The following TLE1 variants were observed in gnomAD, a reference collection of about 807,000 sequenced individuals.
TLE1 encodes transducin-like enhancer protein 1.
TLE1 carries 21 observed loss-of-function variants against 89.8 expected under a neutral mutation model. That is an observed-to-expected ratio of 0.23 (90% CI 0.17 to 0.34). The LOEUF (loss-of-function observed/expected upper bound fraction) is 0.34, where lower values mean the gene tolerates loss of function less well. Among genes scored for constraint, TLE1 ranks in the 10% least tolerant of loss-of-function variants. The pLI is 1.00. For missense variants in TLE1, 795 were observed against 1,031.2 expected, an observed-to-expected ratio of 0.77 and a Z score of 3.14; for synonymous variants, 447 against 407.6, an observed-to-expected ratio of 1.10 and a Z score of -1.16.
intron 16 of TLE1, 97 bp from the exon 17 acceptor site, chr9:81,587,925 T>TCATCCC (rs2131768213): frequency 2.3e-4 from 252 of 1,101,870 alleles, no homozygotes; most frequent in Middle Eastern, 8.7e-4. Flanking sequence ...TGTGTGTGTG[T>TCATCCC]GTGTGTGTGT....
At chr9:81,600,029 A>G (rs1392496819) in intron 14 of TLE1, 1 of 682,444 alleles carries the variant, frequency 1.5e-6, no homozygotes, top group Non-Finnish European at 2.7e-6. Context: ...CAAAGTCAAC[A>G]TTTAAGATTC....
At chr9:81,652,342 A>G (rs2132630486) in intron 5 of TLE1, 54 bp from the exon 6 acceptor site, 1 of 1,496,872 alleles carries the variant, frequency 6.7e-7, no homozygotes, top group East Asian at 2.3e-5. Flanking sequence ...ACTTCACTGT[A>G]TATTCTAACA....
intron 11 of TLE1, among the ~76,000 whole-genome samples, chr9:81,614,452 G>C (rs1041295473): frequency 6.6e-6 from 1 of 152,120 alleles, no homozygotes; most frequent in Non-Finnish European, 1.5e-5. Context: ...ACAGTAACAG[G>C]GTTACAGGGC....
chr9:81,688,279 C>G lies in TLE1; in HGVS notation c.-39G>C, dbSNP rs757827676. 2.6e-6 allele frequency: 4 copies of G among 1,539,872 alleles called. No homozygotes were observed. In the South Asian group the frequency reaches 4.8e-5, roughly 18 times the overall value. On this transcript the variant is annotated 5_prime_UTR_variant, in exon 1 of 20. Transcript: ENST00000376499. Reference sequence around the variant, plus strand: ...GCCGGGGCTCTGTTCCCCGGCAACTCAATTCTCCGGTCAATTTCCAACTTT... The same window carrying G: ...GCCGGGGCTCTGTTCCCCGGCAACTGAATTCTCCGGTCAATTTCCAACTTT...
Position 81,593,165 on chromosome 9 carries a change from G to A in TLE1, c.1441C>T (p.Leu481Phe). ...IPRHARQINT[L>F]NHGEVVCAVT... The stretch of plus-strand genomic sequence containing the variant: ...GCGCACACCACCTCCCCGTGGTTGA[G>A]GGTGTTGATCTGGCGAGCATGCCGG... Residue 481 changes from leucine (L) to phenylalanine (F), a missense_variant, in exon 15 of 20, where the codon CTC becomes TTC. By Grantham distance (22) the Leu-to-Phe change is conservative. Coordinates refer to ENST00000376499, the MANE Select transcript of TLE1 (RefSeq NM_005077.5). The A allele has an allele frequency of 6.2e-7, 1 of 1,614,204 alleles. No homozygotes were observed. The highest frequency in any genetic ancestry group is 8.5e-7 in the Non-Finnish European group (1 of 1,180,040).
chr9:81,655,166 C>T (rs542572781), intron 4 of TLE1, among the ~76,000 whole-genome samples: 1 of 152,002 alleles, frequency 6.6e-6, no homozygotes, highest in South Asian at 2.1e-4. Flanking sequence ...GAGTTCAAGA[C>T]CAGCCTAGCC....
chr9:81,668,633 A>G (rs957982929), intron 4 of TLE1, among the ~76,000 whole-genome samples: 2 of 152,170 alleles, frequency 1.3e-5, no homozygotes, highest in African/African-American at 4.8e-5. Context: ...ATGGGAAAAA[A>G]AGTGTCGTAT....
chr9:81,585,497 G>A lies in TLE1; in HGVS notation c.2128+8C>T, dbSNP rs774004319. 5 of 1,611,414 alleles carry A rather than the reference G, an allele frequency of 3.1e-6. No individual in the cohort carries two copies. The highest frequency in any genetic ancestry group is 4.2e-6 in the Non-Finnish European group (5 of 1,178,722). ...AACGGCCTCCAGTTTCCTTTCGGCT[G>A]AACTCACCACAGTAAGCAAATTTCA... On this transcript the variant is annotated splice_region_variant and intron_variant, in intron 18 of 19. Transcript: ENST00000376499.
intron 11 of TLE1, 69 bp downstream of exon 11, chr9:81,615,913 T>A: frequency 6.3e-7 from 1 of 1,588,780 alleles, no homozygotes. Flanking sequence ...TTTCCAATAC[T>A]TCAGAGTCCT....
At chr9:81,683,669 T>C (rs1833898002) in intron 4 of TLE1, among the ~76,000 whole-genome samples, 1 of 152,200 alleles carries the variant, frequency 6.6e-6, no homozygotes, top group Admixed American at 6.5e-5. Context: ...TCTGTCAGCA[T>C]TTCCAATATC....
chr9:81,632,872 A>C (rs1047913068), intron 8 of TLE1, among the ~76,000 whole-genome samples: 1 of 152,244 alleles, frequency 6.6e-6, no homozygotes, highest in Non-Finnish European at 1.5e-5. Flanking sequence ...ACCAAGATGC[A>C]TTCACAGAGG....
rs1416096382 is a variant in TLE1, at chr9:81,639,086, A to G, written c.373-4785T>C. Among the ~76,000 whole-genome samples the G allele has an allele frequency of 2.0e-5, 3 of 150,184 alleles. 1 individual carries two copies. The highest frequency in any genetic ancestry group is 4.4e-5 in the Non-Finnish European group (3 of 67,774). ...GCTGGGACTACAGGTGTGCACCACT[A>G]CACTTGGCTAATTTTTTTTTATAGA... On this transcript the variant is annotated intron_variant, in intron 6 of 19. Transcript: ENST00000376499.
chr9:81,689,054 G>A lies in TLE1; in HGVS notation c.-814C>T, dbSNP rs1392821555. On this transcript the variant is annotated 5_prime_UTR_variant, in exon 1 of 20. Coordinates refer to ENST00000376499, the MANE Select transcript of TLE1 (RefSeq NM_005077.5). The stretch of plus-strand genomic sequence containing the variant: ...AAGTGCCCAATGCTCCTCGAGCCCG[G>A]GGAGCATCAGGGCGCCGCGCCTCGG... 2 of 152,154 alleles carry A rather than the reference G, an allele frequency of 1.3e-5. No homozygotes were observed. The highest frequency in any genetic ancestry group is 2.4e-5 in the African/African-American group (1 of 41,446). 9.4% of individuals were successfully genotyped at this position (152,154 alleles called of 1,614,324 possible). A position where few individuals can be genotyped will look rare whatever the true frequency, so the allele number is the denominator to read the frequency against.
intron 4 of TLE1, among the ~76,000 whole-genome samples, chr9:81,663,193 C>T (rs189077986): frequency 2.6e-5 from 4 of 152,234 alleles, no homozygotes; most frequent in East Asian, 1.9e-4. Flanking sequence ...AGATAAGCGC[C>T]GTCAGGCTCA....
intron 14 of TLE1, among the ~76,000 whole-genome samples, chr9:81,609,012 C>G (rs1823353638): frequency 6.6e-6 from 1 of 151,864 alleles, no homozygotes; most frequent in African/African-American, 2.4e-5. Context: ...AGATCTGCTG[C>G]CTTAAAGAAA....
At chr9:81,659,947 T>G (rs1249575218) in intron 4 of TLE1, among the ~76,000 whole-genome samples, 1 of 152,144 alleles carries the variant, frequency 6.6e-6, no homozygotes, top group Non-Finnish European at 1.5e-5. Flanking sequence ...AGAAGCTGCC[T>G]TTCCCCCATA....
chr9:81,641,749 G>T (rs1005682968), intron 6 of TLE1, among the ~76,000 whole-genome samples: 1 of 152,192 alleles, frequency 6.6e-6, no homozygotes, highest in Non-Finnish European at 1.5e-5. Context: ...CAGGCTGGGC[G>T]CAGTGGCTCA....
chr9:81,675,133 T>G (rs1832717239), intron 4 of TLE1, among the ~76,000 whole-genome samples: 1 of 152,198 alleles, frequency 6.6e-6, no homozygotes, highest in African/African-American at 2.4e-5. Flanking sequence ...ATTAATTTAT[T>G]TCTTGATTTT....
At chr9:81,628,502 G>A (rs1428174725) in intron 8 of TLE1, among the ~76,000 whole-genome samples, 1 of 151,912 alleles carries the variant, frequency 6.6e-6, no homozygotes, top group Non-Finnish European at 1.5e-5. Context: ...ACTCCTCCTT[G>A]CCTTCTATAA....
Sources: allele counts gnomAD v4.1 joint callset (sites outside exome capture counted in the v4.1 genomes callset), GRCh38; gene constraint gnomAD v4.1.1; transcripts MANE v1.5; gene names NCBI Gene and HGNC (gene_info 2026-07-23, HGNC 2026-07-21).